Variants in USP7 observed in about 807,000 individuals in gnomAD.
USP7 encodes the protein ubiquitin C-terminal hydrolase 7.
USP7 carries 9 observed loss-of-function variants against 162.9 expected under a neutral mutation model. The observed-to-expected ratio is 0.06, with a 90% confidence interval of 0.03 to 0.10. USP7 has a LOEUF of 0.10. Among genes scored for constraint, USP7 ranks in the 10% least tolerant of loss-of-function variants. The pLI is 1.00. For missense variants in USP7, 715 were observed against 1,373.7 expected (o/e 0.52, Z 7.58); for synonymous variants, 562 against 475.9 (o/e 1.18, Z -2.35).
rs78480835 is a variant in USP7, at chr16:8,952,492, G to T, written c.79+10715C>A. ...CCTTCTGGAGGTTCTAGGGGGAAATGTTTCCCTGCCGCTTCCGGGTCCTAG... is the reference window on the plus strand; with the variant it reads ...CCTTCTGGAGGTTCTAGGGGGAAATTTTTCCCTGCCGCTTCCGGGTCCTAG... On this transcript the variant is annotated intron_variant, in intron 1 of 30. Coordinates refer to ENST00000344836, the MANE Select transcript of USP7 (RefSeq NM_003470.3). Among the ~76,000 whole-genome samples, 259 of 152,248 alleles carry T rather than the reference G, an allele frequency of 1.7e-3. 2 individuals are homozygous for T. In the East Asian group the frequency reaches 0.03, roughly 17 times the overall value.
intron 1 of USP7, among the ~76,000 whole-genome samples, chr16:8,947,989 G>GGT (rs763373713): frequency 1.3e-5 from 2 of 152,106 alleles, no homozygotes; most frequent in African/African-American, 2.4e-5. Flanking sequence ...GCTTGGACAT[G>GGT]GTGACAGGCA....
At chr16:8,904,384 T>G (rs1331136025) in intron 15 of USP7, 51 bp downstream of exon 15, 1 of 1,602,646 alleles carries the variant, frequency 6.2e-7, no homozygotes. Flanking sequence ...TGTATAGAGA[T>G]GGGTGCCCGG....
At chr16:8,922,982 C>A (rs1897782658) in intron 3 of USP7, among the ~76,000 whole-genome samples, 1 of 152,192 alleles carries the variant, frequency 6.6e-6, no homozygotes, top group Non-Finnish European at 1.5e-5. Context: ...TCCAGGCCGG[C>A]CCTGATTCCA....
chr16:8,934,756 T>A (rs1436382671), intron 1 of USP7, among the ~76,000 whole-genome samples: 1 of 152,170 alleles, frequency 6.6e-6, no homozygotes, highest in African/African-American at 2.4e-5. Flanking sequence ...GGCTGTGAAA[T>A]GGCAAAGGGC....
intron 10 of USP7, among the ~76,000 whole-genome samples, chr16:8,913,554 T>C (rs1258669505): frequency 3.3e-5 from 5 of 152,016 alleles, no homozygotes. Context: ...CCTAGAAGTC[T>C]ACACCGAGTT....
chr16:8,900,711 G>C, intron 20 of USP7, 81 bp from the exon 21 acceptor site: 2 of 1,029,536 alleles, frequency 1.9e-6, no homozygotes, highest in Non-Finnish European at 2.9e-6. Context: ...ATGTACTTAA[G>C]TATTTTCTCT....
chr16:8,930,481 G>C, intron 1 of USP7, 84 bp from the exon 2 acceptor site: 4 of 910,700 alleles, frequency 4.4e-6, no homozygotes, highest in East Asian at 2.8e-5. Flanking sequence ...TACTTTTGAT[G>C]TTGCCTAATC....
chr16:8,902,244 G>A (rs577494754), intron 17 of USP7, 57 bp from the exon 18 acceptor site: 154 of 1,588,878 alleles, frequency 9.7e-5, no homozygotes, highest in Non-Finnish European at 1.1e-4. Context: ...GTGACAGAGC[G>A]AAAAACTACA....
intron 1 of USP7, among the ~76,000 whole-genome samples, chr16:8,942,985 C>T (rs1430027551): frequency 6.6e-6 from 1 of 152,136 alleles, no homozygotes; most frequent in Non-Finnish European, 1.5e-5. Flanking sequence ...GCACTGCGGG[C>T]CCTGAGGTCA....
chr16:8,956,095 G>T (rs1044865527), intron 1 of USP7, among the ~76,000 whole-genome samples: 4 of 152,166 alleles, frequency 2.6e-5, no homozygotes, highest in African/African-American at 9.7e-5. Flanking sequence ...GTGAGAGCTG[G>T]AGGTTAGTAC....
At chr16:8,958,186 A>G (rs72769903) in intron 1 of USP7, among the ~76,000 whole-genome samples, 4,362 of 152,350 alleles carry the variant, frequency 0.029, 109 homozygotes, top group Non-Finnish European at 0.05. Flanking sequence ...CCACCGGCAC[A>G]GTAGCAGGTG....
chr16:8,946,989 G>A (rs1227423538), intron 1 of USP7, among the ~76,000 whole-genome samples: 1 of 152,208 alleles, frequency 6.6e-6, no homozygotes, highest in African/African-American at 2.4e-5. Context: ...AGGTAATGGG[G>A]CGGGGTGAAT....
chr16:8,900,690 G>T, intron 20 of USP7, 60 bp from the exon 21 acceptor site: 1 of 1,258,854 alleles, frequency 7.9e-7, no homozygotes, highest in Non-Finnish European at 1.1e-6. Context: ...AATATGGCCA[G>T]ATAGTCTTCC....
At chr16:8,895,815 A>G in intron 26 of USP7, 74 bp from the exon 27 acceptor site, 1 of 1,077,902 alleles carries the variant, frequency 9.3e-7, no homozygotes, top group Non-Finnish European at 1.3e-6. Context: ...GGTTTTCTAG[A>G]AAGAAATAAA....
Position 8,898,280 on chromosome 16 carries a change from G to C in USP7, c.2718+80C>G, listed in dbSNP as rs143056301. ...TAGAGTGTTTTTCTGTGGTGTCTTA[G>C]TTTTCAATGTCTGGGGACAGGTAGA... On this transcript the variant is annotated intron_variant, in intron 25 of 30. Transcript: ENST00000344836. The C allele has an allele frequency of 1.9e-5, 23 of 1,217,586 alleles. 1 individual carries two copies. In the African/African-American group the frequency reaches 2.6e-4, roughly 14 times the overall value. 75.4% of individuals were successfully genotyped at this position (1,217,586 alleles called of 1,614,324 possible). A position where few individuals can be genotyped will look rare whatever the true frequency, so the allele number is the denominator to read the frequency against.
chr16:8,943,122 G>A (rs1899123850), intron 1 of USP7, among the ~76,000 whole-genome samples: 1 of 152,058 alleles, frequency 6.6e-6, no homozygotes, highest in Admixed American at 6.5e-5. Flanking sequence ...CCCAAAGAAG[G>A]CCACATATAA....
At chr16:8,921,007 C>T (rs1596379014) in intron 4 of USP7, 150 bp downstream of exon 4, 1 of 897,484 alleles carries the variant, frequency 1.1e-6, no homozygotes, top group East Asian at 2.7e-5. Flanking sequence ...AGATACGAAA[C>T]TGGAGAAAAC....
chr16:8,926,409 G>A (rs755413035), intron 2 of USP7, among the ~76,000 whole-genome samples: 18 of 152,118 alleles, frequency 1.2e-4, no homozygotes, highest in East Asian at 1.9e-4. Context: ...AACCTGGGAG[G>A]TGGAGGTTGC....
intron 1 of USP7, among the ~76,000 whole-genome samples, chr16:8,957,447 A>G (rs544894575): frequency 6.6e-6 from 1 of 152,106 alleles, no homozygotes; most frequent in African/African-American, 2.4e-5. Flanking sequence ...TTACTCATGC[A>G]AAAAACCATA....
Sources: gnomAD v4.1 joint callset for allele counts (sites outside exome capture counted in the v4.1 genomes callset) on GRCh38, gnomAD v4.1.1 for gene constraint, MANE v1.5 for transcripts, NCBI Gene and HGNC (gene_info 2026-07-23, HGNC 2026-07-21) for gene names.